Variants in MEIS2 observed in about 807,000 individuals in gnomAD.
The protein encoded by MEIS2 is Meis homeobox 2.
In MEIS2, 9 loss-of-function variants were observed where a neutral mutation model predicts 58.6. The ratio of observed to expected loss-of-function variants is 0.15; its 90% CI spans 0.09 to 0.27. The LOEUF (loss-of-function observed/expected upper bound fraction) is 0.27. Among genes scored for constraint, MEIS2 ranks in the 10% least tolerant of loss-of-function variants. The pLI, the probability that MEIS2 is intolerant of heterozygous loss-of-function variation, is 1.00. For missense variants in MEIS2, 427 were observed against 635.0 expected, an observed-to-expected ratio of 0.67 and a Z score of 3.52; for synonymous variants, 221 against 228.4, an observed-to-expected ratio of 0.97 and a Z score of 0.29.
chr15:36,953,489 G>A (rs2058836372), intron 8 of MEIS2, among the ~76,000 whole-genome samples: 1 of 152,140 alleles, frequency 6.6e-6, no homozygotes, highest in Non-Finnish European at 1.5e-5. Flanking sequence ...ACTGTTGGGG[G>A]CCAACCCACT....
chr15:36,922,925 A>G (rs2057580138), intron 9 of MEIS2, among the ~76,000 whole-genome samples: 1 of 152,094 alleles, frequency 6.6e-6, no homozygotes, highest in African/African-American at 2.4e-5. Context: ...CAAACATAGT[A>G]TAACTTTCTA....
intron 8 of MEIS2, among the ~76,000 whole-genome samples, chr15:37,025,220 C>T (rs142560379): frequency 5.9e-5 from 9 of 152,250 alleles, no homozygotes; most frequent in African/African-American, 2.2e-4. Flanking sequence ...TTAATAGACA[C>T]CAGTTTACAC....
intron 7 of MEIS2, among the ~76,000 whole-genome samples, chr15:37,069,403 G>T (rs1386423540): frequency 6.6e-6 from 1 of 152,160 alleles, no homozygotes; most frequent in Non-Finnish European, 1.5e-5. Flanking sequence ...TCAAAATCTT[G>T]CAGAAAGTCT....
At chr15:37,058,325 G>A (rs1021648564) in intron 7 of MEIS2, among the ~76,000 whole-genome samples, 3 of 152,184 alleles carry the variant, frequency 2.0e-5, no homozygotes, top group African/African-American at 7.2e-5. Flanking sequence ...CTATTACACA[G>A]GGTGGGAGTA....
Position 36,892,441 on chromosome 15 carries a change from C to G in MEIS2, c.1166G>C (p.Gly389Ala), listed in dbSNP as rs531139958. 1.4e-5 allele frequency: 23 copies of G among 1,613,482 alleles called. 1 individual carries two copies. The Admixed American group carries it at 2.3e-4, about 16-fold the overall frequency. ...IRPAGLQSMP[G>A]DYVSQGGPMG... Reference sequence around the variant, plus strand: ...AGGACCACCCTGAGAAACGTAGTCCCCTGGCATGCTCTGCAAACCTGAAAA... The same window carrying G: ...AGGACCACCCTGAGAAACGTAGTCCGCTGGCATGCTCTGCAAACCTGAAAA... The change falls in exon 12 of 12, where the codon GGG becomes GCG. Residue 389 changes from glycine to alanine, a missense_variant. Physicochemically the swap from Gly to Ala is moderately conservative, Grantham distance 60. Transcript: ENST00000561208.
rs192320376 is a variant in MEIS2, at chr15:37,008,506, T to A, written c.900+28308A>T. On this transcript the variant is annotated intron_variant, in intron 8 of 11. Transcript: ENST00000561208. Reference sequence around the variant, plus strand: ...CTTTCAGAAAATTTATTCATTTAAGTCTTCTTATTTCTATAATAAGTCACC... The same window carrying A: ...CTTTCAGAAAATTTATTCATTTAAGACTTCTTATTTCTATAATAAGTCACC... Among the ~76,000 whole-genome samples the A allele has an allele frequency of 4.6e-3, 702 of 152,346 alleles. 2 individuals carry two copies. The highest frequency in any genetic ancestry group is 7.1e-3 in the Non-Finnish European group (483 of 68,026).
Position 36,998,418 on chromosome 15 carries a change from G to A in MEIS2, c.900+38396C>T, listed in dbSNP as rs142124565. 9.5e-3 allele frequency among the ~76,000 whole-genome samples: 1,438 copies of A among 151,460 alleles called. 10 individuals carry two copies. Among genetic ancestry groups the A allele is most frequent in the Non-Finnish European group, 0.013 (914 of 67,834 alleles). On this transcript the variant is annotated intron_variant, in intron 8 of 11. Transcript: ENST00000561208. Reference sequence around the variant, plus strand: ...TTACTTTTTGTAGAGATGGGGTCTCGCTCTGTTGCTCAGGCTGGTCTCAAA... The same window carrying A: ...TTACTTTTTGTAGAGATGGGGTCTCACTCTGTTGCTCAGGCTGGTCTCAAA...
chr15:37,018,408 T>A (rs549346796), intron 8 of MEIS2, among the ~76,000 whole-genome samples: 1 of 152,330 alleles, frequency 6.6e-6, no homozygotes, highest in South Asian at 2.1e-4. Flanking sequence ...CCACATCATC[T>A]CATCAATGTT....
At chr15:36,923,637 G>A (rs1445141143) in intron 9 of MEIS2, among the ~76,000 whole-genome samples, 1 of 152,204 alleles carries the variant, frequency 6.6e-6, no homozygotes, top group African/African-American at 2.4e-5. Flanking sequence ...CAGGAAGCAT[G>A]TTGATATAGA....
chr15:37,078,101 T>G (rs917169316), intron 7 of MEIS2, among the ~76,000 whole-genome samples: 4 of 152,132 alleles, frequency 2.6e-5, no homozygotes, highest in African/African-American at 9.7e-5. Context: ...AGTGCAGCTA[T>G]TCTCAGCTTT....
intron 8 of MEIS2, among the ~76,000 whole-genome samples, chr15:37,007,725 G>A (rs372864797): frequency 6.6e-6 from 1 of 152,178 alleles, no homozygotes; most frequent in Admixed American, 6.5e-5. Context: ...AAAATTCTCT[G>A]TTCCTCATTC....
chr15:37,038,753 T>C (rs1235357233), intron 7 of MEIS2, among the ~76,000 whole-genome samples: 2 of 152,222 alleles, frequency 1.3e-5, no homozygotes, highest in Non-Finnish European at 2.9e-5. Flanking sequence ...TACTGGATAA[T>C]ATACAGTCTA....
chr15:36,981,023 C>A (rs150066763), intron 8 of MEIS2, among the ~76,000 whole-genome samples: 9 of 152,204 alleles, frequency 5.9e-5, no homozygotes, highest in African/African-American at 2.2e-4. Flanking sequence ...CAGGCTTCTC[C>A]TCAAAATCTT....
chr15:37,083,689 C>G (rs1176845229), intron 7 of MEIS2, 82 bp downstream of exon 7: 3 of 1,090,856 alleles, frequency 2.8e-6, no homozygotes, highest in Non-Finnish European at 4.0e-6. Flanking sequence ...GTTTACATGG[C>G]GGCAGATGTA....
chr15:37,098,553 G>T, intron 1 of MEIS2: 1 of 381,616 alleles, frequency 2.6e-6, no homozygotes, highest in Non-Finnish European at 3.8e-6. Flanking sequence ...ATTTAAAAAT[G>T]AAAAAGCATG....
At chr15:37,016,852 T>C (rs2061365873) in intron 8 of MEIS2, among the ~76,000 whole-genome samples, 1 of 152,202 alleles carries the variant, frequency 6.6e-6, no homozygotes, top group Non-Finnish European at 1.5e-5. Context: ...AATTGCAGAA[T>C]TGTCAAAATT....
At chr15:36,974,274 T>C (rs1488545667) in intron 8 of MEIS2, among the ~76,000 whole-genome samples, 1 of 152,212 alleles carries the variant, frequency 6.6e-6, no homozygotes, top group Non-Finnish European at 1.5e-5. Flanking sequence ...TGAGTGTTCA[T>C]ATTTCAAGCT....
intron 9 of MEIS2, among the ~76,000 whole-genome samples, chr15:36,916,971 C>A (rs1051990483): frequency 6.6e-6 from 1 of 152,138 alleles, no homozygotes; most frequent in African/African-American, 2.4e-5. Context: ...TAGTAAGTGG[C>A]AGAAGTGGCA....
At chr15:36,934,566 C>G (rs1810425817) in intron 9 of MEIS2, among the ~76,000 whole-genome samples, 1 of 152,206 alleles carries the variant, frequency 6.6e-6, no homozygotes, top group Admixed American at 6.5e-5. Context: ...GGCACCTTTC[C>G]ACTTATCTTA....
Sources: gnomAD v4.1 joint callset for allele counts (sites outside exome capture counted in the v4.1 genomes callset) on GRCh38, gnomAD v4.1.1 for gene constraint, MANE v1.5 for transcripts, NCBI Gene and HGNC (gene_info 2026-07-23, HGNC 2026-07-21) for gene names.